The following MROH9 variants were observed in gnomAD, a reference collection of about 807,000 sequenced individuals.
The protein encoded by MROH9 is maestro heat-like repeat-containing protein family member 9.
Under a neutral mutation model 98.2 loss-of-function variants are expected in MROH9, and 92 were observed. That is an observed-to-expected ratio of 0.94 (90% CI 0.79 to 1.11). MROH9 has a LOEUF of 1.11. Among genes scored for constraint, MROH9 ranks in the 50% most tolerant of loss-of-function variants. The pLI is 0.00. For missense variants in MROH9, 1,057 were observed against 1,014.8 expected (o/e 1.04, Z -0.57); for synonymous variants, 397 against 368.9 (o/e 1.08, Z -0.87).
intron 4 of MROH9, 59 bp from the exon 5 acceptor site, chr1:170,959,403 A>G (rs1298247832): frequency 8.9e-6 from 12 of 1,348,140 alleles, no homozygotes; most frequent in Non-Finnish European, 1.2e-5. Flanking sequence ...AATAAAGCCC[A>G]CTAAATTTCT....
rs369234639 is a variant in MROH9 at position 170,975,802 on chromosome 1, T to C, written c.616+3919T>C. ...GAGTCTAAGTTTCTTTGAAGAACTCTAAGAACTTGCTGTATGAATCTGGGT... is the reference window on the plus strand; with the variant it reads ...GAGTCTAAGTTTCTTTGAAGAACTCCAAGAACTTGCTGTATGAATCTGGGT... On this transcript the variant is annotated intron_variant, in intron 8 of 21. Coordinates refer to ENST00000367759, the MANE Select transcript of MROH9 (RefSeq NM_001163629.2). 2.6e-5 allele frequency among the ~76,000 whole-genome samples: 4 copies of C among 152,244 alleles called. No homozygotes were observed. The East Asian group carries it at 5.8e-4, about 22-fold the overall frequency.
intron 20 of MROH9, among the ~76,000 whole-genome samples, chr1:171,059,368 T>C (rs926285774): frequency 9.2e-5 from 14 of 152,108 alleles, no homozygotes; most frequent in African/African-American, 3.4e-4. Flanking sequence ...AGAATGGTGA[T>C]TATTAAAAAC....
intron 17 of MROH9, among the ~76,000 whole-genome samples, chr1:171,020,109 T>C (rs562084996): frequency 9.9e-5 from 15 of 152,252 alleles, no homozygotes; most frequent in African/African-American, 2.6e-4. Context: ...AGTTCTGAAA[T>C]TGTGGCAGTA....
At chr1:171,043,774 T>G (rs551909578) in intron 20 of MROH9, among the ~76,000 whole-genome samples, 1 of 152,230 alleles carries the variant, frequency 6.6e-6, no homozygotes, top group South Asian at 2.1e-4. Flanking sequence ...TTTTTCACAT[T>G]GTTCACTTGG....
intron 10 of MROH9, among the ~76,000 whole-genome samples, chr1:170,988,045 T>G (rs774965299): frequency 3.9e-5 from 6 of 152,346 alleles, no homozygotes; most frequent in Non-Finnish European, 8.8e-5. Context: ...ACATACTGTA[T>G]GTCCTCTGCT....
rs771927400 is a variant in MROH9 at position 170,959,147 on chromosome 1, G to A, written c.153-315G>A. Among the ~76,000 whole-genome samples, 7 of 152,138 alleles carry A rather than the reference G, an allele frequency of 4.6e-5. No homozygotes were observed. The East Asian group carries it at 1.2e-3, about 25-fold the overall frequency. ...TCCCAGCACTTTGGGAGGCTGAGGC[G>A]GGCGGATCATGAGGTCAGGAGATCG... On this transcript the variant is annotated intron_variant, in intron 4 of 21. Transcript: ENST00000367759.
At chr1:171,010,502 G>T (rs1652113513) in intron 15 of MROH9, among the ~76,000 whole-genome samples, 1 of 152,056 alleles carries the variant, frequency 6.6e-6, no homozygotes, top group Non-Finnish European at 1.5e-5. Context: ...GATCCTTGGG[G>T]AATCACCACA....
intron 8 of MROH9, among the ~76,000 whole-genome samples, chr1:170,978,396 A>T (rs1650797023): frequency 6.6e-6 from 1 of 151,542 alleles, no homozygotes; most frequent in Admixed American, 6.6e-5. Context: ...CCCCAGGGAG[A>T]CTCCAGCCAC....
chr1:171,062,602 G>C (rs1303201369), intron 21 of MROH9, among the ~76,000 whole-genome samples: 1 of 152,212 alleles, frequency 6.6e-6, no homozygotes, highest in Non-Finnish European at 1.5e-5. Context: ...TCTTCCCTCA[G>C]AGAATTCACA....
chr1:171,016,414 G>A (rs1652329996), intron 17 of MROH9, 78 bp downstream of exon 17: 1 of 1,166,696 alleles, frequency 8.6e-7, no homozygotes, highest in South Asian at 2.7e-5. Context: ...AGTGATGTTA[G>A]GTCACAGAAT....
chr1:171,028,384 A>G (rs1371411619), intron 20 of MROH9, among the ~76,000 whole-genome samples: 2 of 151,982 alleles, frequency 1.3e-5, no homozygotes, highest in Non-Finnish European at 2.9e-5. Context: ...CCATTTGTCT[A>G]TGTATCTGCT....
intron 11 of MROH9, 24 bp downstream of exon 11, chr1:170,990,027 C>T (rs1651295541): frequency 1.3e-6 from 2 of 1,592,754 alleles, no homozygotes; most frequent in African/African-American, 1.3e-5. Flanking sequence ...ACCCTCTGTC[C>T]CTTCCACAAG....
chr1:171,036,541 T>C (rs987365943), intron 20 of MROH9, among the ~76,000 whole-genome samples: 1 of 152,018 alleles, frequency 6.6e-6, no homozygotes, highest in Non-Finnish European at 1.5e-5. Flanking sequence ...ATACCATTTT[T>C]AACTATGTAC....
intron 1 of MROH9, among the ~76,000 whole-genome samples, chr1:170,939,445 A>T (rs1231709692): frequency 6.6e-6 from 1 of 152,162 alleles, no homozygotes; most frequent in South Asian, 2.1e-4. Flanking sequence ...TCCACTTTCA[A>T]GTTGTGCCTG....
rs56269305 is a variant in MROH9 at position 171,051,788 on chromosome 1, C to T, written c.2282-10344C>T. ...TTAATTTTAAAAAAATTTCTATTTT[C>T]ATCAGGGATAGTGGTCTGTCATTTT... On this transcript the variant is annotated intron_variant, in intron 20 of 21. Transcript: ENST00000367759. 9.2e-4 allele frequency among the ~76,000 whole-genome samples: 140 copies of T among 152,264 alleles called. 2 individuals carry two copies. Among genetic ancestry groups the T allele is most frequent in the African/African-American group, 3.0e-3 (124 of 41,562 alleles).
intron 17 of MROH9, among the ~76,000 whole-genome samples, chr1:171,017,719 G>A (rs1430789624): frequency 6.6e-6 from 1 of 152,210 alleles, no homozygotes; most frequent in East Asian, 1.9e-4. Context: ...GCTGGAGCCA[G>A]TGAGACTGGA....
chr1:170,962,583 G>A (rs1650057353), intron 6 of MROH9, among the ~76,000 whole-genome samples: 1 of 152,072 alleles, frequency 6.6e-6, no homozygotes, highest in Non-Finnish European at 1.5e-5. Flanking sequence ...TGGAAAAATA[G>A]ATGGATTTAT....
chr1:171,046,453 A>G (rs1653475931), intron 20 of MROH9, among the ~76,000 whole-genome samples: 1 of 151,994 alleles, frequency 6.6e-6, no homozygotes, highest in African/African-American at 2.4e-5. Flanking sequence ...TTGTGTATCT[A>G]TTGTACATTT....
rs1274481574 is a variant in MROH9 at position 171,016,256 on chromosome 1, A to C, written c.1828A>C (p.Arg610=). 1 of 1,540,766 alleles carries C rather than the reference A, an allele frequency of 6.5e-7. No homozygotes were observed. The highest frequency in any genetic ancestry group is 8.8e-7 in the Non-Finnish European group (1 of 1,142,124). Residue 610 remains arginine (R), a synonymous_variant, in exon 17 of 22, where the codon AGG becomes CGG. Transcript: ENST00000367759. ...VVLQALLTLR[R]LLNELDKVTY... is the part of the protein sequence containing the mutation. The stretch of plus-strand genomic sequence containing the variant: ...ACTTCAGGCCTTGCTCACCCTTAGA[A>C]GGCTTTTAAACGAACTGGACAAAGT...
Sources: gnomAD v4.1 joint callset for allele counts (sites outside exome capture counted in the v4.1 genomes callset) on GRCh38, gnomAD v4.1.1 for gene constraint, MANE v1.5 for transcripts, NCBI Gene and HGNC (gene_info 2026-07-23, HGNC 2026-07-21) for gene names.